Variants in SOX5 observed in about 807,000 individuals in gnomAD.
The protein encoded by SOX5 is transcription factor SOX-5.
Under a neutral mutation model 92.0 loss-of-function variants are expected in SOX5, and 9 were observed. The ratio of observed to expected loss-of-function variants is 0.10; its 90% CI spans 0.06 to 0.17. The LOEUF is 0.17. SOX5 is among the 10% of genes least tolerant of loss of function. SOX5 has a pLI of 1.00. For synonymous variants in SOX5, 344 were observed against 336.3 expected (o/e 1.02, Z -0.25); for missense variants, 642 against 944.5 (o/e 0.68, Z 4.20).
At chr12:24,266,516 T>C (rs1043187340) in intron 3 of SOX5, among the ~76,000 whole-genome samples, 9 of 152,182 alleles carry the variant, frequency 5.9e-5, no homozygotes, top group African/African-American at 2.2e-4. Context: ...GCATTTTTAA[T>C]CTTCACCAAT....
At chr12:24,000,117 G>A (rs1951453407) in intron 4 of SOX5, among the ~76,000 whole-genome samples, 1 of 150,614 alleles carries the variant, frequency 6.6e-6, no homozygotes, top group Admixed American at 6.6e-5. Context: ...TAATACATAT[G>A]TATATTATAT....
At chr12:23,790,544 T>A (rs79592950) in intron 3 of SOX5, among the ~76,000 whole-genome samples, 3 of 3,926 alleles carry the variant, frequency 7.6e-4, no homozygotes, top group African/African-American at 9.9e-4. Flanking sequence ...TCTCTCTCAA[T>A]CTCTCACACA....
At chr12:24,019,438 A>C (rs1004233629) in intron 4 of SOX5, among the ~76,000 whole-genome samples, 1 of 152,224 alleles carries the variant, frequency 6.6e-6, no homozygotes, top group Non-Finnish European at 1.5e-5. Context: ...ATAGAATTAT[A>C]AAGTTTTAAA....
intron 1 of SOX5, among the ~76,000 whole-genome samples, chr12:24,394,813 C>T (rs73281486): frequency 1.2e-3 from 181 of 152,210 alleles, no homozygotes; most frequent in African/African-American, 4.1e-3. Context: ...GGCATCATTT[C>T]GAAAAATAAA....
chr12:24,152,921 C>T (rs1951804887), intron 4 of SOX5, among the ~76,000 whole-genome samples: 1 of 151,998 alleles, frequency 6.6e-6, no homozygotes, highest in African/African-American at 2.4e-5. Flanking sequence ...GTTTAATTAG[C>T]TCTGTTTTAT....
chr12:23,584,658 T>A (rs927637721), intron 9 of SOX5: 1 of 1,383,476 alleles, frequency 7.2e-7, no homozygotes, highest in Non-Finnish European at 1.0e-6. Flanking sequence ...AAACCATGCA[T>A]TGGTTTATAT....
intron 2 of SOX5, among the ~76,000 whole-genome samples, chr12:24,298,800 A>AAC (rs59416140): frequency 1.1e-4 from 13 of 123,440 alleles, no homozygotes; most frequent in African/African-American, 3.1e-4. Flanking sequence ...AAAAAAAAAA[A>AAC]CTACATTTTT....
chr12:24,490,483 C>T (rs954629399), intron 1 of SOX5, among the ~76,000 whole-genome samples: 4 of 152,070 alleles, frequency 2.6e-5, no homozygotes, highest in East Asian at 3.9e-4. Context: ...TAAAGATGAC[C>T]GTTAGTACCA....
intron 3 of SOX5, among the ~76,000 whole-genome samples, chr12:23,837,088 T>A (rs1298163888): frequency 6.7e-6 from 1 of 149,714 alleles, no homozygotes; most frequent in East Asian, 1.9e-4. Flanking sequence ...AAGGTTTTGG[T>A]GACTATTCTC....
At chr12:23,573,438 G>A (rs1429235165) in intron 10 of SOX5, among the ~76,000 whole-genome samples, 1 of 152,096 alleles carries the variant, frequency 6.6e-6, no homozygotes, top group Non-Finnish European at 1.5e-5. Context: ...CCTGCAGAAG[G>A]TGCACTATTA....
chr12:24,116,454 T>C (rs1163537522), intron 4 of SOX5, among the ~76,000 whole-genome samples: 1 of 152,186 alleles, frequency 6.6e-6, no homozygotes, highest in Non-Finnish European at 1.5e-5. Flanking sequence ...CTTAATGTTA[T>C]ATGCAAATAT....
chr12:24,523,569 C>T (rs892052005), intron 1 of SOX5, among the ~76,000 whole-genome samples: 6 of 152,116 alleles, frequency 3.9e-5, no homozygotes, highest in African/African-American at 1.2e-4. Context: ...AGAAGAGAGA[C>T]CCCAGTAGGA....
At chr12:24,290,953 T>C (rs1946553443) in intron 2 of SOX5, among the ~76,000 whole-genome samples, 1 of 152,248 alleles carries the variant, frequency 6.6e-6, no homozygotes. Context: ...TAAGTTCACA[T>C]AGCTACTTGT....
intron 1 of SOX5, among the ~76,000 whole-genome samples, chr12:23,901,993 A>G (rs2137991183): frequency 6.6e-6 from 1 of 152,322 alleles, no homozygotes; most frequent in South Asian, 2.1e-4. Context: ...ATGTTTTCAA[A>G]AAACTTGAGA....
intron 1 of SOX5, among the ~76,000 whole-genome samples, chr12:24,491,754 A>G (rs1947102481): frequency 6.6e-6 from 1 of 152,206 alleles, no homozygotes; most frequent in Non-Finnish European, 1.5e-5. Context: ...AAAAGTATGT[A>G]TGTAGTGGAA....
At chr12:23,929,891 C>G (rs1941010337) in intron 1 of SOX5, among the ~76,000 whole-genome samples, 1 of 151,834 alleles carries the variant, frequency 6.6e-6, no homozygotes, top group Non-Finnish European at 1.5e-5. Context: ...AGGATAATAA[C>G]AACAGTTTAA....
intron 1 of SOX5, among the ~76,000 whole-genome samples, chr12:24,469,402 G>A (rs1944558825): frequency 6.6e-6 from 1 of 152,168 alleles, no homozygotes; most frequent in Non-Finnish European, 1.5e-5. Context: ...CTCTGCCTTG[G>A]TTCCTGATTC....
intron 1 of SOX5, among the ~76,000 whole-genome samples, chr12:24,419,070 G>A (rs1288328174): frequency 6.6e-6 from 1 of 152,064 alleles, no homozygotes; most frequent in African/African-American, 2.4e-5. Context: ...CAAAACACTG[G>A]ATCCCACACC....
chr12:24,332,129 C>T (rs893753690), intron 2 of SOX5, among the ~76,000 whole-genome samples: 3 of 151,864 alleles, frequency 2.0e-5, no homozygotes. Context: ...AAAGATAAAT[C>T]TTATGAATGA....
Sources: gnomAD v4.1 joint callset for allele counts (sites outside exome capture counted in the v4.1 genomes callset) on GRCh38, gnomAD v4.1.1 for gene constraint, MANE v1.5 for transcripts, NCBI Gene and HGNC (gene_info 2026-07-23, HGNC 2026-07-21) for gene names.